Variants in SLC17A1 observed in about 807,000 individuals in gnomAD.
SLC17A1 encodes the protein sodium-dependent phosphate transport protein 1.
In SLC17A1, 51 loss-of-function variants were observed where a neutral mutation model predicts 53.5. That is an observed-to-expected ratio of 0.95 (90% CI 0.76 to 1.20). The LOEUF is 1.20. Among genes scored for constraint, SLC17A1 ranks in the 50% most tolerant of loss-of-function variants. SLC17A1 has a pLI of 0.00. For synonymous variants in SLC17A1, 179 were observed against 198.8 expected (o/e 0.90, Z 0.84); for missense variants, 538 against 568.2 (o/e 0.95, Z 0.54).
chr6:25,731,985 A>G, the SLC17A1 span: 26 of 1,582,010 alleles, frequency 1.6e-5, no homozygotes, highest in Non-Finnish European at 2.1e-5. Context: ...CATGATACTC[A>G]TGGCCTTGGA....
the SLC17A1 span, chr6:25,726,345 T>C: frequency 6.2e-7 from 1 of 1,614,174 alleles, no homozygotes; most frequent in Non-Finnish European, 8.5e-7. Context: ...CAAGGATTTC[T>C]GCTGTGAGAT....
chr6:25,758,545 C>T, the SLC17A1 span, among the ~76,000 whole-genome samples: 15 of 152,134 alleles, frequency 9.9e-5, no homozygotes, highest in Non-Finnish European at 1.8e-4. Flanking sequence ...AGGAATTTAT[C>T]CATCTCCTCT....
At chr6:25,751,663 A>C in the SLC17A1 span, among the ~76,000 whole-genome samples, 1 of 152,228 alleles carries the variant, frequency 6.6e-6, no homozygotes, top group Non-Finnish European at 1.5e-5. Context: ...TGTGAACAGC[A>C]CATAAAACTT....
At chr6:25,726,147 T>A in the SLC17A1 span, 1 of 1,546,566 alleles carries the variant, frequency 6.5e-7, no homozygotes, top group African/African-American at 1.4e-5. Context: ...TGCTTTGGGC[T>A]TTATGGTGGT....
chr6:25,798,006 T>A (rs373292893), intron 12 of SLC17A1, among the ~76,000 whole-genome samples: 45 of 152,228 alleles, frequency 3.0e-4, no homozygotes, highest in African/African-American at 1.0e-3. Context: ...GGTAGCTGTA[T>A]CCAAGGTTTG....
intron 10 of SLC17A1, among the ~76,000 whole-genome samples, chr6:25,807,620 T>C (rs1035989845): frequency 6.6e-6 from 1 of 151,934 alleles, no homozygotes; most frequent in Non-Finnish European, 1.5e-5. Flanking sequence ...CCTCCCACCC[T>C]TTTCCCTGAG....
chr6:25,821,788 A>G (rs995949419), intron 3 of SLC17A1, among the ~76,000 whole-genome samples: 1 of 152,222 alleles, frequency 6.6e-6, no homozygotes, highest in Non-Finnish European at 1.5e-5. Context: ...ACTAGTTGCC[A>G]TTGAACAAAG....
chr6:25,750,684 T>G, the SLC17A1 span, among the ~76,000 whole-genome samples: 6 of 151,508 alleles, frequency 4.0e-5, no homozygotes, highest in Non-Finnish European at 7.4e-5. Flanking sequence ...GAAGCACTTG[T>G]ATAGGAAACT....
chr6:25,822,936 C>T (rs1350138443), intron 3 of SLC17A1, among the ~76,000 whole-genome samples: 3 of 151,956 alleles, frequency 2.0e-5, no homozygotes, highest in African/African-American at 7.3e-5. Flanking sequence ...CCAAAAACTT[C>T]CTCCTATTTT....
the SLC17A1 span, among the ~76,000 whole-genome samples, chr6:25,775,060 T>C: frequency 6.6e-6 from 1 of 152,166 alleles, no homozygotes; most frequent in Non-Finnish European, 1.5e-5. Flanking sequence ...TCAGGTGTGG[T>C]GGCTCATGCC....
At chr6:25,756,314 C>T in the SLC17A1 span, among the ~76,000 whole-genome samples, 1 of 152,180 alleles carries the variant, frequency 6.6e-6, no homozygotes, top group Non-Finnish European at 1.5e-5. Context: ...TGGAATTGTT[C>T]TTGCTCAGCG....
chr6:25,817,236 A>G (rs1483390115), intron 6 of SLC17A1, among the ~76,000 whole-genome samples: 2 of 152,220 alleles, frequency 1.3e-5, no homozygotes, highest in Non-Finnish European at 2.9e-5. Context: ...GCTTAAATAC[A>G]GTTATTGTCG....
At chr6:25,827,033 G>T (rs574923840) in intron 2 of SLC17A1, among the ~76,000 whole-genome samples, 107 of 152,148 alleles carry the variant, frequency 7.0e-4, no homozygotes, top group South Asian at 1.2e-3. Flanking sequence ...ACTTATATAT[G>T]CCCAATGCAG....
intron 12 of SLC17A1, among the ~76,000 whole-genome samples, chr6:25,787,207 G>T (rs946824880): frequency 3.9e-5 from 6 of 151,976 alleles, no homozygotes; most frequent in South Asian, 2.1e-4. Flanking sequence ...GTTATTGGAG[G>T]CCAGGTGCAG....
At chr6:25,780,696 T>A (rs946658514), downstream of SLC17A1, 6 of 152,202 alleles carry the variant, frequency 3.9e-5, no homozygotes, top group East Asian at 1.2e-3. Flanking sequence ...GCACTCTGCA[T>A]GAGAGATTAG....
At chr6:25,794,031 G>A (rs1055331830) in intron 12 of SLC17A1, among the ~76,000 whole-genome samples, 1 of 152,164 alleles carries the variant, frequency 6.6e-6, no homozygotes, top group Non-Finnish European at 1.5e-5. Flanking sequence ...ATTTTGGGAA[G>A]TTCATAGCTG....
chr6:25,805,200 A>G (rs1469734357), intron 10 of SLC17A1, among the ~76,000 whole-genome samples: 3 of 152,088 alleles, frequency 2.0e-5, no homozygotes, highest in East Asian at 1.9e-4. Context: ...TATATCAAGT[A>G]TCTTCTCAGA....
At chr6:25,807,428 C>T (rs894419331) in intron 10 of SLC17A1, among the ~76,000 whole-genome samples, 1 of 152,056 alleles carries the variant, frequency 6.6e-6, no homozygotes, top group East Asian at 1.9e-4. Context: ...AGTGAAGTAA[C>T]TCAGGAATGG....
chr6:25,830,536 G>A lies in SLC17A1; in HGVS notation c.22C>T (p.Pro8Ser). Residue 8 changes from proline to serine, a missense_variant, in exon 2 of 13, where the codon CCT becomes TCT. Physicochemically the swap from Pro to Ser is moderately conservative, Grantham distance 74. Transcript: ENST00000244527. ...AATAAAGTGCTACCTTTTTTGGGAG[G>A]CAACCGGTTATCCATTTGCATACAC... MQMDNRLPPKKVPGFCSF... is the reference protein window; with the variant it reads MQMDNRLSPKKVPGFCSF... 1.9e-6 allele frequency: 3 copies of A among 1,613,178 alleles called. No homozygotes were observed. Among genetic ancestry groups the A allele is most frequent in the South Asian group, 2.2e-5 (2 of 91,048 alleles).
Sources: gnomAD v4.1 joint callset for allele counts (sites outside exome capture counted in the v4.1 genomes callset) on GRCh38, gnomAD v4.1.1 for gene constraint, MANE v1.5 for transcripts, NCBI Gene and HGNC (gene_info 2026-07-23, HGNC 2026-07-21) for gene names.